Variants in TENM3 observed in about 807,000 individuals in gnomAD.
The protein encoded by TENM3 is teneurin-3.
A neutral mutation model predicts 255.1 loss-of-function variants in TENM3; 63 were observed. The ratio of observed to expected loss-of-function variants is 0.25; its 90% CI spans 0.20 to 0.30. TENM3 has a LOEUF of 0.30. Among genes scored for constraint, TENM3 ranks in the 10% least tolerant of loss-of-function variants. The pLI is 1.00. For synonymous variants in TENM3, 1,306 were observed against 1,322.3 expected (o/e 0.99, Z 0.27); for missense variants, 2,929 against 3,461.1 (o/e 0.85, Z 3.86).
At position 182,161,835 on chromosome 4, in the gene TENM3, ATG is replaced by A. The variant is rs1305930643; in HGVS notation, c.-76+17085_-76+17086del. Among the ~76,000 whole-genome samples, 35 of 39,428 alleles carry A rather than the reference ATG, an allele frequency of 8.9e-4. 5 individuals are homozygous for A. Among genetic ancestry groups the A allele is most frequent in the African/African-American group, 1.5e-3 (22 of 14,684 alleles). The allele number at this position is 39,428 out of a possible 152,430, so 25.9% of individuals were successfully genotyped here. A position where few individuals can be genotyped will look rare whatever the true frequency, so the allele number is the denominator to read the frequency against. On this transcript the variant is annotated intron_variant, in intron 1 of 2. Coordinates refer to the TENM3 transcript ENST00000512480. ...TATATGTATATATATACACATATAT[ATG>A]TGTATATATACACAAATATATATGT...
chr4:182,490,831 C>G (rs1259908172), intron 3 of TENM3, among the ~76,000 whole-genome samples: 1 of 152,192 alleles, frequency 6.6e-6, no homozygotes, highest in Non-Finnish European at 1.5e-5. Flanking sequence ...TGCTGAACTG[C>G]ACACTTGTCA....
intron 1 of TENM3, among the ~76,000 whole-genome samples, chr4:182,283,098 C>G (rs1760498387): frequency 6.6e-6 from 1 of 151,986 alleles, no homozygotes; most frequent in Non-Finnish European, 1.5e-5. Flanking sequence ...TATTTTGATC[C>G]ACTTGGATAC....
In TENM3 at chr4:182,585,939, A is replaced by G. The variant is rs137981922; in HGVS notation, c.512-14985A>G. 6.8e-3 allele frequency among the ~76,000 whole-genome samples: 1,041 copies of G among 152,292 alleles called. 16 individuals carry two copies. Among genetic ancestry groups the G allele is most frequent in the African/African-American group, 0.024 (979 of 41,570 alleles). On this transcript the variant is annotated intron_variant, in intron 3 of 27. Transcript: ENST00000511685. Reference sequence around the variant, plus strand: ...AGATGCAGGCTTCCAATCTCAATATATCATGTTTACTACTATTTTAAAAGG... The same window carrying G: ...AGATGCAGGCTTCCAATCTCAATATGTCATGTTTACTACTATTTTAAAAGG...
At chr4:182,453,018 TTA>T (rs1013652314) in intron 3 of TENM3, among the ~76,000 whole-genome samples, 2 of 50,846 alleles carry the variant, frequency 3.9e-5, no homozygotes, top group African/African-American at 9.1e-5. Flanking sequence ...GAGATTATTT[TTA>T]TATGTGTATA....
At chr4:182,044,434 G>A in the TENM3 span, among the ~76,000 whole-genome samples, 1 of 152,092 alleles carries the variant, frequency 6.6e-6, no homozygotes, top group Non-Finnish European at 1.5e-5. Flanking sequence ...TATGTCCTAA[G>A]GTCACGCAGA....
chr4:182,431,218 C>T (rs1206548708), intron 3 of TENM3, among the ~76,000 whole-genome samples: 3 of 151,192 alleles, frequency 2.0e-5, no homozygotes, highest in Admixed American at 2.0e-4. Flanking sequence ...GGGATGAGGC[C>T]GGGCGTGGGG....
intron 3 of TENM3, among the ~76,000 whole-genome samples, chr4:182,467,709 T>G (rs1327917880): frequency 6.6e-6 from 1 of 152,248 alleles, no homozygotes; most frequent in African/African-American, 2.4e-5. Flanking sequence ...ACAACTCCAC[T>G]TTGGGTCACC....
intron 1 of TENM3, among the ~76,000 whole-genome samples, chr4:182,202,082 G>A (rs191468407): frequency 3.9e-5 from 6 of 152,258 alleles, no homozygotes; most frequent in African/African-American, 7.2e-5. Context: ...GGAAACAAGC[G>A]TCTGGGCCTG....
At chr4:181,800,101 C>G in the TENM3 span, among the ~76,000 whole-genome samples, 2 of 152,204 alleles carry the variant, frequency 1.3e-5, no homozygotes, top group African/African-American at 4.8e-5. Flanking sequence ...GTACACATAA[C>G]TGTCAGTGTT....
At chr4:182,252,971 C>G (rs1758123847) in intron 1 of TENM3, among the ~76,000 whole-genome samples, 1 of 152,186 alleles carries the variant, frequency 6.6e-6, no homozygotes, top group African/African-American at 2.4e-5. Flanking sequence ...CTCTCTGTAT[C>G]AAAGGCCTTG....
intron 4 of TENM3, among the ~76,000 whole-genome samples, chr4:182,624,599 G>A (rs762702354): frequency 2.6e-5 from 4 of 152,076 alleles, no homozygotes; most frequent in Admixed American, 6.5e-5. Flanking sequence ...TGCTCCCAGC[G>A]TGGACATGTT....
the TENM3 span, among the ~76,000 whole-genome samples, chr4:182,131,263 C>G: frequency 0.51 from 76,774 of 151,906 alleles, 20,268 homozygotes; most frequent in East Asian, 0.65. Context: ...TACAAGCAAT[C>G]ATTTCATAGT....
chr4:182,623,135 C>A (rs866608528), intron 4 of TENM3, among the ~76,000 whole-genome samples: 45 of 151,840 alleles, frequency 3.0e-4, no homozygotes, highest in East Asian at 1.6e-3. Context: ...CTCAGCCTCC[C>A]GAGTAGCTGG....
chr4:181,923,652 A>C, the TENM3 span, among the ~76,000 whole-genome samples: 1 of 152,170 alleles, frequency 6.6e-6, no homozygotes, highest in African/African-American at 2.4e-5. Flanking sequence ...TAAGGGCACA[A>C]TTTGAAAGTT....
At chr4:181,697,673 TAAGCC>T in the TENM3 span, among the ~76,000 whole-genome samples, 20 of 152,100 alleles carry the variant, frequency 1.3e-4, no homozygotes, top group Non-Finnish European at 2.5e-4. Context: ...ATTACAGGCG[TAAGCC>T]ACTGCGTCCA....
At chr4:182,724,583 A>G (rs1487028095) in intron 13 of TENM3, among the ~76,000 whole-genome samples, 1 of 152,224 alleles carries the variant, frequency 6.6e-6, no homozygotes, top group African/African-American at 2.4e-5. Context: ...AGAAGGTGTC[A>G]ATCTCATGCA....
the TENM3 span, among the ~76,000 whole-genome samples, chr4:182,007,643 A>T: frequency 2.0e-5 from 3 of 152,148 alleles, no homozygotes; most frequent in Non-Finnish European, 4.4e-5. Context: ...GGTCTCCTAG[A>T]TACAGCGCAC....
the TENM3 span, among the ~76,000 whole-genome samples, chr4:182,019,994 T>C: frequency 5.9e-5 from 9 of 152,074 alleles, no homozygotes; most frequent in Admixed American, 3.3e-4. Context: ...TACTTGGTTG[T>C]GGAAGACTCA....
rs199738380 is a variant in TENM3, at chr4:182,325,742, GA to G, written c.232+1499del. Among the ~76,000 whole-genome samples the G allele has an allele frequency of 1.1e-3, 161 of 146,918 alleles. 2 individuals are homozygous for G. Among genetic ancestry groups the G allele is most frequent in the African/African-American group, 3.9e-3 (156 of 40,020 alleles). ...ACTCTTTAGTGCCCTGTTGGAAAAC[GA>G]AAAAAAAATAAAAAAATTAAAAAAA... On this transcript the variant is annotated intron_variant, in intron 2 of 27. Transcript: ENST00000511685.
Sources: allele counts gnomAD v4.1 joint callset (sites outside exome capture counted in the v4.1 genomes callset), GRCh38; gene constraint gnomAD v4.1.1; transcripts MANE v1.5; gene names NCBI Gene and HGNC (gene_info 2026-07-23, HGNC 2026-07-21).